The following GRIK1 variants were observed in gnomAD, a reference collection of about 807,000 sequenced individuals.
GRIK1 encodes glutamate receptor ionotropic, kainate 1.
GRIK1 carries 69 observed loss-of-function variants against 105.7 expected under a neutral mutation model. That is an observed-to-expected ratio of 0.65 (90% CI 0.54 to 0.80). The LOEUF (loss-of-function observed/expected upper bound fraction) is 0.80, where lower values mean the gene tolerates loss of function less well. GRIK1 is among the 30% of genes least tolerant of loss of function. The pLI is 0.00. For synonymous variants in GRIK1, 438 were observed against 431.3 expected (o/e 1.02, Z -0.19); for missense variants, 1,109 against 1,167.3 (o/e 0.95, Z 0.73).
At chr21:29,601,714 A>T (rs767931246) in intron 7 of GRIK1, among the ~76,000 whole-genome samples, 1 of 152,168 alleles carries the variant, frequency 6.6e-6, no homozygotes, top group Admixed American at 6.5e-5. Context: ...CACCCCTCTG[A>T]CCAGTATTGC....
intron 7 of GRIK1, among the ~76,000 whole-genome samples, chr21:29,639,475 C>A (rs1029805570): frequency 6.6e-6 from 1 of 152,120 alleles, no homozygotes; most frequent in Non-Finnish European, 1.5e-5. Flanking sequence ...CAGAGGAGCA[C>A]GGCATTGCAA....
chr21:29,560,386 TTCCTTCCTTCCTTC>T (rs2090403591), intron 15 of GRIK1, among the ~76,000 whole-genome samples: 2 of 83,474 alleles, frequency 2.4e-5, no homozygotes, highest in Admixed American at 1.3e-4. Context: ...CCTTCCTTCC[TTCCTTCCTTCCTTC>T]CTTTCTTTCT....
intron 1 of GRIK1, among the ~76,000 whole-genome samples, chr21:29,754,349 T>C (rs571731439): frequency 6.6e-6 from 1 of 152,148 alleles, no homozygotes; most frequent in East Asian, 1.9e-4. Flanking sequence ...AAGACTGAGG[T>C]CCCAAGCAGG....
At chr21:29,626,241 A>T (rs1420689989) in intron 7 of GRIK1, among the ~76,000 whole-genome samples, 1 of 152,210 alleles carries the variant, frequency 6.6e-6, no homozygotes. Context: ...ATGCATGCAC[A>T]TGAGAGACGG....
intron 7 of GRIK1, among the ~76,000 whole-genome samples, chr21:29,616,704 A>G (rs1568890975): frequency 6.6e-6 from 1 of 152,210 alleles, no homozygotes; most frequent in Admixed American, 6.5e-5. Context: ...CCGCCTCAAA[A>G]CTACAAAAGA....
At chr21:29,628,881 T>C (rs1377938630) in intron 7 of GRIK1, among the ~76,000 whole-genome samples, 1 of 152,200 alleles carries the variant, frequency 6.6e-6, no homozygotes, top group Non-Finnish European at 1.5e-5. Flanking sequence ...TTATGGATGG[T>C]TTATCTATGA....
At chr21:29,543,097 G>A (rs1225890540) in intron 16 of GRIK1, among the ~76,000 whole-genome samples, 3 of 151,514 alleles carry the variant, frequency 2.0e-5, no homozygotes, top group African/African-American at 7.3e-5. Context: ...AAAATAATGG[G>A]ATTATTATTA....
At chr21:29,561,902 C>A (rs1476382437) in intron 14 of GRIK1, 53 bp from the exon 15 acceptor site, 2 of 1,012,616 alleles carry the variant, frequency 2.0e-6, no homozygotes, top group East Asian at 2.5e-5. Flanking sequence ...AAAAATACGA[C>A]CTAAAGGTAT....
At chr21:29,605,631 G>A (rs2061598583) in intron 7 of GRIK1, among the ~76,000 whole-genome samples, 1 of 152,116 alleles carries the variant, frequency 6.6e-6, no homozygotes, top group Non-Finnish European at 1.5e-5. Context: ...AGGTCTTTGA[G>A]GAATTGCCAT....
chr21:29,912,155 T>C (rs533661058), intron 1 of GRIK1, among the ~76,000 whole-genome samples: 4 of 152,228 alleles, frequency 2.6e-5, no homozygotes, highest in African/African-American at 7.2e-5. Context: ...CATCGCCATC[T>C]TGCACAAGCA....
chr21:29,851,473 C>T (rs1382879899), intron 1 of GRIK1, among the ~76,000 whole-genome samples: 2 of 152,144 alleles, frequency 1.3e-5, no homozygotes, highest in East Asian at 3.8e-4. Context: ...CATCCTCTTC[C>T]CATAACATGG....
At chr21:29,585,041 C>T (rs1397940257) in intron 12 of GRIK1, among the ~76,000 whole-genome samples, 1 of 152,144 alleles carries the variant, frequency 6.6e-6, no homozygotes, top group African/African-American at 2.4e-5. Context: ...TATTTCGTCA[C>T]TATACTGTTT....
intron 1 of GRIK1, among the ~76,000 whole-genome samples, chr21:29,847,594 C>A (rs1288647300): frequency 1.3e-5 from 2 of 152,128 alleles, no homozygotes; most frequent in Non-Finnish European, 2.9e-5. Flanking sequence ...TCTCAAAAAA[C>A]AAACAAACAA....
intron 1 of GRIK1, among the ~76,000 whole-genome samples, chr21:29,749,792 G>T (rs1203834081): frequency 2.0e-5 from 3 of 152,248 alleles, no homozygotes; most frequent in South Asian, 2.1e-4. Context: ...TATTATCTGT[G>T]TGAATTTCAT....
chr21:29,745,222 C>G (rs571474946), intron 1 of GRIK1, among the ~76,000 whole-genome samples: 3 of 152,146 alleles, frequency 2.0e-5, no homozygotes, highest in African/African-American at 4.8e-5. Flanking sequence ...TAACTGCAAC[C>G]GAGATCCTCA....
intron 1 of GRIK1, among the ~76,000 whole-genome samples, chr21:29,848,779 A>ATATATATATATATATATATATTTTTT: frequency 5.1e-5 from 4 of 77,860 alleles, no homozygotes; most frequent in South Asian, 5.4e-4. Context: ...ATATATATAT[A>ATATATATATATATATATATATTTTTT]TTTTTTTTTT....
chr21:29,709,278 CTTT>C (rs35378548), intron 1 of GRIK1, among the ~76,000 whole-genome samples: 1 of 127,902 alleles, frequency 7.8e-6, no homozygotes, highest in African/African-American at 2.9e-5. Context: ...TACTCTTCTT[CTTT>C]TTTTTTTTTT....
intron 9 of GRIK1, among the ~76,000 whole-genome samples, chr21:29,592,669 A>G (rs912385677): frequency 3.3e-5 from 5 of 152,210 alleles, no homozygotes; most frequent in African/African-American, 1.2e-4. Context: ...CACAGGAATA[A>G]TGAGAAGATC....
At chr21:29,591,083 A>G (rs2061326247) in intron 10 of GRIK1, 29 bp downstream of exon 10, 1 of 1,183,374 alleles carries the variant, frequency 8.5e-7, no homozygotes, top group South Asian at 1.2e-5. Flanking sequence ...CCTGGATAAG[A>G]CACCCTCAAT....
Sources: allele counts gnomAD v4.1 joint callset (sites outside exome capture counted in the v4.1 genomes callset), GRCh38; gene constraint gnomAD v4.1.1; transcripts MANE v1.5; gene names NCBI Gene and HGNC (gene_info 2026-07-23, HGNC 2026-07-21).